Variants in PSME4 observed in about 807,000 individuals in gnomAD.
The protein encoded by PSME4 is proteasome activator complex subunit 4.
Under a neutral mutation model 253.9 loss-of-function variants are expected in PSME4, and 89 were observed. That is an observed-to-expected ratio of 0.35 (90% CI 0.30 to 0.42). The LOEUF (loss-of-function observed/expected upper bound fraction) is 0.42. Ranked by LOEUF, PSME4 falls within the 10% of genes least tolerant of loss-of-function variation. The probability of loss-of-function intolerance (pLI) is 1.00; values close to 1 mark genes in which losing one functional copy is unlikely to be tolerated. For synonymous variants in PSME4, 851 were observed against 759.2 expected, an observed-to-expected ratio of 1.12 and a Z score of -1.99; for missense variants, 2,014 against 2,195.2, an observed-to-expected ratio of 0.92 and a Z score of 1.65.
intron 8 of PSME4, 93 bp from the exon 9 acceptor site, chr2:53,932,853 C>A: frequency 2.2e-6 from 2 of 897,500 alleles, no homozygotes; most frequent in Non-Finnish European, 1.8e-6. Flanking sequence ...ATCACTAATA[C>A]AGTTTATAGT....
chr2:53,912,423 G>A (rs1667866475), intron 20 of PSME4, among the ~76,000 whole-genome samples: 1 of 152,108 alleles, frequency 6.6e-6, no homozygotes, highest in Non-Finnish European at 1.5e-5. Flanking sequence ...GGATTAACAT[G>A]ATTTACAATA....
intron 41 of PSME4, among the ~76,000 whole-genome samples, chr2:53,885,068 C>T (rs966905180): frequency 6.6e-6 from 1 of 152,160 alleles, no homozygotes; most frequent in African/African-American, 2.4e-5. Context: ...GCACAATTAA[C>T]ACTGTTTTCC....
intron 13 of PSME4, 43 bp from the exon 14 acceptor site, chr2:53,925,732 G>A (rs1668528971): frequency 6.4e-7 from 1 of 1,570,980 alleles, no homozygotes; most frequent in African/African-American, 1.4e-5. Context: ...ACTAAAATCT[G>A]GTTTGACATT....
chr2:53,901,883 A>G (rs552461519), intron 27 of PSME4, among the ~76,000 whole-genome samples: 6 of 152,314 alleles, frequency 3.9e-5, no homozygotes, highest in Non-Finnish European at 8.8e-5. Context: ...CCTGGGCAAC[A>G]TGGTGAAACC....
chr2:53,894,959 T>C (rs766639472), intron 34 of PSME4, 48 bp downstream of exon 34: 10 of 1,496,100 alleles, frequency 6.7e-6, no homozygotes, highest in Admixed American at 6.1e-5. Context: ...GATAAATCAG[T>C]GGCCCAAAAC....
intron 4 of PSME4, among the ~76,000 whole-genome samples, chr2:53,939,484 G>T (rs1165829242): frequency 6.6e-6 from 1 of 152,140 alleles, no homozygotes; most frequent in Non-Finnish European, 1.5e-5. Context: ...CCAATGCTTT[G>T]GGAGGCCAAG....
intron 14 of PSME4, among the ~76,000 whole-genome samples, chr2:53,923,649 G>A (rs890935532): frequency 1.3e-5 from 2 of 152,172 alleles, no homozygotes; most frequent in Non-Finnish European, 2.9e-5. Flanking sequence ...CTGGCTGGAT[G>A]TGGTGGCTCA....
At chr2:53,925,822 G>A (rs145557407) in intron 13 of PSME4, 133 bp from the exon 14 acceptor site, 5 of 1,260,094 alleles carry the variant, frequency 4.0e-6, no homozygotes, top group East Asian at 2.3e-5. Context: ...TTCACAAATC[G>A]ATTATCCTTT....
chr2:53,919,243 ATCTCT>A lies in PSME4; in HGVS notation c.2421-2_2423del. On this transcript the variant is annotated splice_acceptor_variant and coding_sequence_variant, in exon 20 of 47. Transcript: ENST00000404125. LOFTEE classifies it high-confidence loss of function. ...CTATAGTCAGACTCTGTAGAATATC[ATCTCT>A]AGAAAAAAAAAAAAGACATTTTCAT... 6.4e-7 allele frequency: 1 copy of A among 1,566,584 alleles called. No individual in the cohort carries two copies. Among genetic ancestry groups the A allele is most frequent in the Admixed American group, 2.1e-5 (1 of 48,614 alleles).
At position 53,887,846 on chromosome 2, in the gene PSME4, A is replaced by G; in HGVS notation, c.4520+12T>C. On this transcript the variant is annotated intron_variant, in intron 39 of 46. Coordinates refer to ENST00000404125, the MANE Select transcript of PSME4 (RefSeq NM_014614.3). ...AACTCGAGAGGTACACCACAGAGAA[A>G]ACAGTACCTACCTTCCTATTCTTTC... 1 of 1,584,610 alleles carries G rather than the reference A, an allele frequency of 6.3e-7. No individual in the cohort carries two copies. Among genetic ancestry groups the G allele is most frequent in the Non-Finnish European group, 8.6e-7 (1 of 1,156,408 alleles).
chr2:53,908,584 A>G lies in PSME4; in HGVS notation c.2630-19T>C. On this transcript the variant is annotated intron_variant, in intron 22 of 46. Transcript: ENST00000404125. ...ATGTGGTCTATAATGGAAGAAAGAA[A>G]AGGATTTTGGTTAAAATATTTTGAA... The G allele has an allele frequency of 6.3e-7, 1 of 1,577,438 alleles. No homozygotes were observed. Among genetic ancestry groups the G allele is most frequent in the Non-Finnish European group, 8.6e-7 (1 of 1,165,338 alleles).
intron 1 of PSME4, among the ~76,000 whole-genome samples, chr2:53,967,626 T>C (rs1214093161): frequency 9.2e-6 from 1 of 108,996 alleles, no homozygotes; most frequent in Non-Finnish European, 1.7e-5. Flanking sequence ...ATCTTGTGTC[T>C]GGGCAACAGA....
chr2:53,867,619 T>TATTCA (rs1317750624), intron 44 of PSME4, among the ~76,000 whole-genome samples: 1 of 138,332 alleles, frequency 7.2e-6, no homozygotes, highest in Admixed American at 7.7e-5. Flanking sequence ...CAGTGAGCCA[T>TATTCA]ATTCAAAACC....
At chr2:53,951,427 C>T (rs1669990145) in intron 1 of PSME4, among the ~76,000 whole-genome samples, 1 of 152,196 alleles carries the variant, frequency 6.6e-6, no homozygotes, top group African/African-American at 2.4e-5. Context: ...GCTTTTTTAT[C>T]TTCCAGAAAT....
chr2:53,947,424 G>A (rs561461848), intron 3 of PSME4, among the ~76,000 whole-genome samples: 78 of 152,348 alleles, frequency 5.1e-4, no homozygotes, highest in African/African-American at 1.8e-3. Context: ...TGAGTACACA[G>A]GCTGGGGGTG....
chr2:53,967,162 A>G (rs1443617017), intron 1 of PSME4, among the ~76,000 whole-genome samples: 1 of 152,102 alleles, frequency 6.6e-6, no homozygotes. Flanking sequence ...TTCTTCCCTT[A>G]TTAAAAATTT....
chr2:53,900,686 T>G (rs72902961), intron 28 of PSME4, among the ~76,000 whole-genome samples: 24 of 152,312 alleles, frequency 1.6e-4, no homozygotes, highest in African/African-American at 5.3e-4. Context: ...TTCTAAAAAA[T>G]AAAGTATAAT....
intron 1 of PSME4, among the ~76,000 whole-genome samples, chr2:53,965,862 C>T (rs1022624058): frequency 2.0e-5 from 3 of 151,898 alleles, no homozygotes; most frequent in Middle Eastern, 6.8e-3. Context: ...TCAGCAGAGA[C>T]GGGGTTTCAC....
intron 31 of PSME4, 85 bp downstream of exon 31, chr2:53,897,785 T>G (rs1680210033): frequency 1.4e-6 from 2 of 1,398,512 alleles, no homozygotes; most frequent in Non-Finnish European, 2.0e-6. Context: ...ATTAACCAAG[T>G]GTGTATTGCT....
Sources: gnomAD v4.1 joint callset for allele counts (sites outside exome capture counted in the v4.1 genomes callset) on GRCh38, gnomAD v4.1.1 for gene constraint, MANE v1.5 for transcripts, NCBI Gene and HGNC (gene_info 2026-07-23, HGNC 2026-07-21) for gene names.